Variants in DIAPH2 observed in about 807,000 individuals in gnomAD.
DIAPH2 encodes protein diaphanous homolog 2.
Under a neutral mutation model 92.7 loss-of-function variants are expected in DIAPH2, and 35 were observed. The observed-to-expected ratio is 0.38, with a 90% CI of 0.29 to 0.50. The LOEUF (loss-of-function observed/expected upper bound fraction) is 0.50, where lower values mean the gene tolerates loss of function less well. Among genes scored for constraint, DIAPH2 ranks in the 20% least tolerant of loss-of-function variants. The pLI is 0.94. For synonymous variants in DIAPH2, 301 were observed against 280.4 expected, an observed-to-expected ratio of 1.07 and a Z score of -0.73; for missense variants, 701 against 819.5, an observed-to-expected ratio of 0.86 and a Z score of 1.77.
chrX:96,807,944 C>CAAAAAAAAAA lies in DIAPH2; in HGVS notation c.447+49716_447+49725dup, dbSNP rs541681495. ...GTGAGATTTGGTATTGTAGAAATAG[C>CAAAAAAAAAA]AAAAAAAAAAAAAAAAAAAAAAAAA... is the stretch of plus-strand genomic sequence containing the variant. On this transcript the variant is annotated intron_variant, in intron 4 of 26. Coordinates refer to ENST00000324765, the MANE Select transcript of DIAPH2 (RefSeq NM_006729.5). Among the ~76,000 whole-genome samples, 22 of 14,490 alleles carry CAAAAAAAAAA rather than the reference C, an allele frequency of 1.5e-3. 7 individuals are homozygous for CAAAAAAAAAA. Among genetic ancestry groups the CAAAAAAAAAA allele is most frequent in the Admixed American group, 2.7e-3 (2 of 740 alleles). The allele number at this position is 14,490 out of a possible 115,157, so 12.6% of individuals were successfully genotyped here. A position where few individuals can be genotyped will look rare whatever the true frequency, so the allele number is the denominator to read the frequency against.
At chrX:96,866,498 A>G (rs919508378) in intron 4 of DIAPH2, among the ~76,000 whole-genome samples, 3 of 111,872 alleles carry the variant, frequency 2.7e-5, no homozygotes, top group African/African-American at 9.7e-5. Flanking sequence ...CAGATGGCTG[A>G]CTTTTTTTTG....
At chrX:96,685,447 G>A (rs2063765692) in intron 1 of DIAPH2, among the ~76,000 whole-genome samples, 2 of 112,869 alleles carry the variant, frequency 1.8e-5, no homozygotes, top group Admixed American at 9.2e-5. Flanking sequence ...GAAAGGCCCA[G>A]CCCCAACTTG....
intron 1 of DIAPH2, among the ~76,000 whole-genome samples, chrX:96,696,209 T>C (rs1013137752): frequency 9.0e-6 from 1 of 111,408 alleles, no homozygotes; most frequent in Non-Finnish European, 1.9e-5. Flanking sequence ...ATCGTACCAC[T>C]GCATTCCAGC....
intron 24 of DIAPH2, among the ~76,000 whole-genome samples, chrX:97,351,024 A>G (rs1447597328): frequency 8.9e-6 from 1 of 112,252 alleles, no homozygotes; most frequent in Admixed American, 9.5e-5. Flanking sequence ...CACTTACCTA[A>G]TGCACTCCTG....
intron 19 of DIAPH2, among the ~76,000 whole-genome samples, chrX:97,091,246 C>G (rs2066822684): frequency 9.0e-6 from 1 of 110,795 alleles, no homozygotes; most frequent in African/African-American, 3.3e-5. Flanking sequence ...CATTTTACTT[C>G]TCCCCAAAAC....
rs1167522094 is a variant in DIAPH2 at position 97,189,430 on chromosome X, T to TC, written c.2719+47645dup. On this transcript the variant is annotated intron_variant, in intron 22 of 26. Coordinates refer to ENST00000324765, the MANE Select transcript of DIAPH2 (RefSeq NM_006729.5). Reference sequence around the variant, plus strand: ...ATGAAGCTTTTCTCAGAATCAGTCGTCCCCCCCCCTCCCTCCCTCCCACCC... The same window carrying TC: ...ATGAAGCTTTTCTCAGAATCAGTCGTCCCCCCCCCCTCCCTCCCTCCCACCC... Among the ~76,000 whole-genome samples the TC allele has an allele frequency of 5.9e-3, 500 of 84,700 alleles. 8 individuals are homozygous for TC. Among genetic ancestry groups the TC allele is most frequent in the African/African-American group, 0.019 (418 of 22,460 alleles). 73.6% of individuals were successfully genotyped at this position (84,700 alleles called of 115,157 possible).
chrX:97,325,195 A>C (rs1386771698), intron 23 of DIAPH2, among the ~76,000 whole-genome samples: 2 of 112,229 alleles, frequency 1.8e-5, no homozygotes, highest in Non-Finnish European at 3.8e-5. Flanking sequence ...ATGGCTGTGG[A>C]TGAAGAGGTA....
intron 17 of DIAPH2, among the ~76,000 whole-genome samples, chrX:97,004,577 A>G (rs1033490987): frequency 9.0e-6 from 1 of 111,143 alleles, no homozygotes; most frequent in African/African-American, 3.3e-5. Context: ...TGTAAATGGG[A>G]CTACTTTCTT....
intron 4 of DIAPH2, among the ~76,000 whole-genome samples, chrX:96,786,506 A>G (rs1727134770): frequency 8.9e-6 from 1 of 112,404 alleles, no homozygotes; most frequent in South Asian, 3.7e-4. Flanking sequence ...GAGATAACAG[A>G]TGTATTTAGA....
chrX:96,918,516 A>C lies in DIAPH2; in HGVS notation c.877A>C (p.Lys293Gln). ...CTTCTTTTTTCTCTACAGTCTAGAT[A>C]AACTTTTAGGGGCTATAACAACAGC... ...CIVGEENILDKLLGAITTAAE... is the reference protein window; with the variant it reads ...CIVGEENILDQLLGAITTAAE... Residue 293 changes from lysine (K) to glutamine (Q), a missense_variant, in exon 9 of 27, where the codon AAA (lysine) becomes CAA (glutamine). By Grantham distance (53) the Lys-to-Gln change is moderately conservative. Coordinates refer to ENST00000324765, the MANE Select transcript of DIAPH2 (RefSeq NM_006729.5). 8.4e-7 allele frequency: 1 copy of C among 1,188,933 alleles called. No individual in the cohort carries two copies. Among genetic ancestry groups the C allele is most frequent in the Non-Finnish European group, 1.1e-6 (1 of 879,628 alleles).
chrX:97,455,865 TC>T (rs2070399313), intron 26 of DIAPH2, among the ~76,000 whole-genome samples: 1 of 111,918 alleles, frequency 8.9e-6, no homozygotes, highest in Non-Finnish European at 1.9e-5. Context: ...TTCCAGATTT[TC>T]TCTATTCTCT....
chrX:97,237,873 G>A (rs1228882053), intron 22 of DIAPH2, among the ~76,000 whole-genome samples: 1 of 112,162 alleles, frequency 8.9e-6, no homozygotes, highest in Non-Finnish European at 1.9e-5. Context: ...GAGCCACCGC[G>A]CCCGGCCCGC....
chrX:96,942,061 G>A lies in DIAPH2; in HGVS notation c.1369G>A (p.Val457Met). The A allele has an allele frequency of 8.4e-7, 1 of 1,197,506 alleles. No homozygotes were observed. Among genetic ancestry groups the A allele is most frequent in the Admixed American group, 2.2e-5 (1 of 45,886 alleles). ...KIIEECVSQI[V>M]LHCSGMDPDF... ...AATTGAGGAATGTGTTTCACAGATA[G>A]TGCTACACTGCAGTGGTATGGATCC... The change falls in exon 13 of 27, where the codon GTG (valine) becomes ATG (methionine). Residue 457 changes from valine to methionine, a missense_variant. Around this residue, in one of 3 missense-constraint regions of DIAPH2, gnomAD observed 536 missense variants for 599.3 expected, o/e 0.89. Coordinates refer to ENST00000324765, the MANE Select transcript of DIAPH2 (RefSeq NM_006729.5).
At chrX:97,239,834 A>ATCTCTC (rs370959933) in intron 22 of DIAPH2, among the ~76,000 whole-genome samples, 33,181 of 97,619 alleles carry the variant, frequency 0.34, 4,641 homozygotes, top group East Asian at 0.57. Context: ...TCTAGTAAAA[A>ATCTCTC]TCTCTCTCTC....
chrX:96,744,884 G>A (rs968477703), intron 3 of DIAPH2, among the ~76,000 whole-genome samples: 4 of 110,961 alleles, frequency 3.6e-5, no homozygotes, highest in African/African-American at 1.3e-4. Context: ...GTCTTTTGAT[G>A]GTAGCTTTAT....
intron 4 of DIAPH2, among the ~76,000 whole-genome samples, chrX:96,858,401 GA>G (rs775402456): frequency 1.8e-5 from 2 of 111,989 alleles, no homozygotes; most frequent in Non-Finnish European, 1.9e-5. Context: ...CAGATGTGGT[GA>G]AATGGCATTT....
intron 22 of DIAPH2, among the ~76,000 whole-genome samples, chrX:97,154,132 T>G (rs1285772798): frequency 9.0e-6 from 1 of 111,551 alleles, no homozygotes; most frequent in African/African-American, 3.3e-5. Flanking sequence ...GTTTCTTAAT[T>G]ATGCATTTGC....
chrX:96,885,801 T>C (rs770835241), intron 5 of DIAPH2, among the ~76,000 whole-genome samples: 4 of 111,864 alleles, frequency 3.6e-5, no homozygotes, highest in Non-Finnish European at 7.5e-5. Flanking sequence ...TACAATTTAT[T>C]GTAGTTGTAT....
chrX:96,697,604 C>T (rs1449666320), intron 1 of DIAPH2, among the ~76,000 whole-genome samples: 1 of 111,178 alleles, frequency 9.0e-6, no homozygotes, highest in Non-Finnish European at 1.9e-5. Flanking sequence ...CGAGATCCGC[C>T]ACTGCACTTC....
Sources: allele counts gnomAD v4.1 joint callset (sites outside exome capture counted in the v4.1 genomes callset), GRCh38; gene constraint gnomAD v4.1.1; regional missense constraint gnomAD v4.1.1; transcripts MANE v1.5; gene names NCBI Gene and HGNC (gene_info 2026-07-23, HGNC 2026-07-21).